SCLT1: variants seen among roughly 807,000 people sequenced by gnomAD.
The protein encoded by SCLT1 is sodium channel-associated protein 1.
Under a neutral mutation model 112.8 loss-of-function variants are expected in SCLT1, and 78 were observed. That is an observed-to-expected ratio of 0.69 (90% CI 0.58 to 0.83). SCLT1 has a LOEUF of 0.83. Among genes scored for constraint, SCLT1 ranks in the 40% least tolerant of loss-of-function variants. The probability of loss-of-function intolerance (pLI) is 0.00; values close to 1 mark genes in which losing one functional copy is unlikely to be tolerated. For synonymous variants in SCLT1, 257 were observed against 254.7 expected (o/e 1.01, Z -0.09); for missense variants, 747 against 770.4 (o/e 0.97, Z 0.36).
rs114061221 is a variant in SCLT1 at position 128,989,508 on chromosome 4, C to T, written c.686+2659G>A. On this transcript the variant is annotated intron_variant, in intron 9 of 20. Coordinates refer to ENST00000281142, the MANE Select transcript of SCLT1 (RefSeq NM_144643.4). Reference sequence around the variant, plus strand: ...AAGTGAAGTTTATAGCAATAGATACCTCCATCAAAAAGTAGAAAAACTTCA... The same window carrying T: ...AAGTGAAGTTTATAGCAATAGATACTTCCATCAAAAAGTAGAAAAACTTCA... Among the ~76,000 whole-genome samples the T allele has an allele frequency of 4.1e-3, 615 of 151,616 alleles. 5 individuals are homozygous for T. Among genetic ancestry groups the T allele is most frequent in the Non-Finnish European group, 6.6e-3 (447 of 67,690 alleles).
chr4:129,048,308 C>A (rs545908731), intron 2 of SCLT1, among the ~76,000 whole-genome samples: 23 of 152,038 alleles, frequency 1.5e-4, no homozygotes, highest in African/African-American at 5.1e-4. Context: ...AGAACAGAGC[C>A]CTCAGAAATA....
chr4:129,019,616 C>T (rs1017404713), intron 5 of SCLT1, among the ~76,000 whole-genome samples: 1 of 151,878 alleles, frequency 6.6e-6, no homozygotes, highest in Non-Finnish European at 1.5e-5. Context: ...CAGCCATTTG[C>T]ACCCTGCCAC....
chr4:128,978,986 T>C (rs550808659), intron 9 of SCLT1, among the ~76,000 whole-genome samples: 3 of 152,096 alleles, frequency 2.0e-5, no homozygotes, highest in Non-Finnish European at 4.4e-5. Flanking sequence ...GGGGGGTAAA[T>C]AATCCACTAT....
intron 6 of SCLT1, among the ~76,000 whole-genome samples, chr4:129,002,143 T>C (rs944963975): frequency 1.3e-5 from 2 of 152,018 alleles, no homozygotes; most frequent in Non-Finnish European, 2.9e-5. Flanking sequence ...TTCAGATAAT[T>C]ATCAAATCAA....
At chr4:128,920,705 T>A (rs1428338876) in intron 18 of SCLT1, among the ~76,000 whole-genome samples, 1 of 152,166 alleles carries the variant, frequency 6.6e-6, no homozygotes, top group Non-Finnish European at 1.5e-5. Flanking sequence ...CAGATAACAT[T>A]GTAATGAATG....
rs1747589760 is a variant in SCLT1 at position 129,040,336 on chromosome 4, G to A, written c.235-1240C>T. ...AGGTACAGGGTTTTAAGAATGCCATGGCAAGAGGTTTGGATTTATTGTAGC... is the reference window on the plus strand; with the variant it reads ...AGGTACAGGGTTTTAAGAATGCCATAGCAAGAGGTTTGGATTTATTGTAGC... On this transcript the variant is annotated intron_variant, in intron 4 of 20. Transcript: ENST00000281142. 5 of 611,808 alleles carry A rather than the reference G, an allele frequency of 8.2e-6. No individual in the cohort carries two copies. In the East Asian group the frequency reaches 1.4e-4, roughly 17 times the overall value. 37.9% of individuals were successfully genotyped at this position (611,808 alleles called of 1,614,324 possible). A position where few individuals can be genotyped will look rare whatever the true frequency, so the allele number is the denominator to read the frequency against.
At chr4:129,086,313 G>GTATATA (rs5861875) in intron 1 of SCLT1, among the ~76,000 whole-genome samples, 29 of 150,172 alleles carry the variant, frequency 1.9e-4, no homozygotes, top group African/African-American at 7.2e-4. Context: ...GTGTATGTAT[G>GTATATA]TATATATATA....
At chr4:129,038,654 C>T (rs934070706) in intron 5 of SCLT1, among the ~76,000 whole-genome samples, 1 of 152,094 alleles carries the variant, frequency 6.6e-6, no homozygotes, top group African/African-American at 2.4e-5. Flanking sequence ...AACATTCAAG[C>T]TGAGTGGTAG....
chr4:129,058,148 G>A (rs1003412299), intron 2 of SCLT1, among the ~76,000 whole-genome samples: 1 of 152,064 alleles, frequency 6.6e-6, no homozygotes, highest in Non-Finnish European at 1.5e-5. Context: ...GCCATGGTTT[G>A]TTGTTTATCT....
chr4:129,092,903 T>C (rs1163595799), intron 1 of SCLT1, among the ~76,000 whole-genome samples, 167 bp downstream of exon 1: 1 of 152,198 alleles, frequency 6.6e-6, no homozygotes, highest in Non-Finnish European at 1.5e-5. Context: ...TGCTTAAATA[T>C]ACACACATCC....
At chr4:129,049,769 A>G (rs1003066363) in intron 2 of SCLT1, among the ~76,000 whole-genome samples, 1 of 151,960 alleles carries the variant, frequency 6.6e-6, no homozygotes, top group East Asian at 1.9e-4. Flanking sequence ...CATGTGCAGA[A>G]CGTTCAGGTT....
chr4:129,077,077 A>G (rs1336807643), intron 2 of SCLT1, among the ~76,000 whole-genome samples: 1 of 152,132 alleles, frequency 6.6e-6, no homozygotes, highest in African/African-American at 2.4e-5. Flanking sequence ...ATAGTTAGCT[A>G]CCATAAAGGT....
intron 16 of SCLT1, chr4:128,944,663 AC>A (rs1362155438): frequency 2.0e-5 from 3 of 152,202 alleles, no homozygotes; most frequent in Non-Finnish European, 4.4e-5. Context: ...CTCAAGAGAA[AC>A]CCTTTAAATG....
intron 18 of SCLT1, among the ~76,000 whole-genome samples, chr4:128,893,019 C>T (rs909200138): frequency 2.0e-5 from 3 of 152,084 alleles, no homozygotes; most frequent in Admixed American, 6.5e-5. Flanking sequence ...GGTCAGTCTT[C>T]TAGGTCAAAT....
At chr4:129,033,272 A>G (rs1011464330) in intron 5 of SCLT1, among the ~76,000 whole-genome samples, 1 of 151,462 alleles carries the variant, frequency 6.6e-6, no homozygotes, top group African/African-American at 2.4e-5. Context: ...GTTCTCACTC[A>G]TAGGTGGGAG....
intron 15 of SCLT1, among the ~76,000 whole-genome samples, chr4:128,946,964 T>C (rs577451882): frequency 2.6e-5 from 4 of 152,162 alleles, no homozygotes; most frequent in Non-Finnish European, 5.9e-5. Flanking sequence ...AAGCAGTTCA[T>C]ACGTTGAAGC....
intron 9 of SCLT1, among the ~76,000 whole-genome samples, chr4:128,983,107 C>CA (rs1741805009): frequency 6.6e-6 from 1 of 152,076 alleles, no homozygotes; most frequent in Non-Finnish European, 1.5e-5. Context: ...AGGCTGGTCT[C>CA]AAACTCCCGA....
chr4:128,945,286 A>G (rs182646953), intron 16 of SCLT1, among the ~76,000 whole-genome samples: 1 of 152,300 alleles, frequency 6.6e-6, no homozygotes, highest in East Asian at 1.9e-4. Context: ...AAAAGCCTTC[A>G]TGTGTGATAC....
chr4:128,918,208 G>A (rs969169426), intron 18 of SCLT1, among the ~76,000 whole-genome samples: 2 of 152,136 alleles, frequency 1.3e-5, no homozygotes, highest in South Asian at 2.1e-4. Flanking sequence ...CAGATAAGAT[G>A]CTTAGGAACC....
Sources: allele counts gnomAD v4.1 joint callset (sites outside exome capture counted in the v4.1 genomes callset), GRCh38; gene constraint gnomAD v4.1.1; transcripts MANE v1.5; gene names NCBI Gene and HGNC (gene_info 2026-07-23, HGNC 2026-07-21).